Variants in PTK2B observed in about 807,000 individuals in gnomAD.
The protein encoded by PTK2B is protein-tyrosine kinase 2-beta.
PTK2B carries 71 observed loss-of-function variants against 142.9 expected under a neutral mutation model. The ratio of observed to expected loss-of-function variants is 0.50; its 90% CI spans 0.41 to 0.61. The LOEUF (loss-of-function observed/expected upper bound fraction) is 0.61. Among genes scored for constraint, PTK2B ranks in the 20% least tolerant of loss-of-function variants. The pLI, the probability that PTK2B is intolerant of heterozygous loss-of-function variation, is 0.00. For synonymous variants in PTK2B, 519 were observed against 503.4 expected (o/e 1.03, Z -0.42); for missense variants, 1,105 against 1,320.4 (o/e 0.84, Z 2.53).
chr8:27,375,867 C>T (rs997509586), intron 1 of PTK2B, among the ~76,000 whole-genome samples: 2 of 152,208 alleles, frequency 1.3e-5, no homozygotes, highest in African/African-American at 4.8e-5. Flanking sequence ...GCAGGGTACC[C>T]TGTGTTCTGG....
At chr8:27,320,134 AT>A (rs138157378) in intron 3 of PTK2B, among the ~76,000 whole-genome samples, 186 of 152,150 alleles carry the variant, frequency 1.2e-3, no homozygotes, top group African/African-American at 4.4e-3. Flanking sequence ...GGTACCTGCG[AT>A]TCAAACTGTG....
At chr8:27,433,301 C>T in intron 10 of PTK2B, 134 bp from the exon 11 acceptor site, 2 of 739,230 alleles carry the variant, frequency 2.7e-6, no homozygotes, top group East Asian at 2.5e-5. Context: ...GGGCAGGGCC[C>T]CAGGAGAGGT....
In PTK2B at chr8:27,444,220, G is replaced by A. The variant is rs1811328959; in HGVS notation, c.2163G>A (p.Lys721=). Residue 721 remains lysine (K), a synonymous_variant, in exon 23 of 31, where the codon AAG becomes AAA. Coordinates refer to ENST00000346049, the MANE Select transcript of PTK2B (RefSeq NM_173176.3). The part of the protein sequence containing the change: ...QEPPPKPSRP[K]YRPPPQTNLL... Reference sequence around the variant, plus strand: ...TCTCTCTCCAGCCCAGCCGACCTAAGTACAGACCCCCTCCGCAAACCAACC... The same window carrying A: ...TCTCTCTCCAGCCCAGCCGACCTAAATACAGACCCCCTCCGCAAACCAACC... 1 of 1,613,748 alleles carries A rather than the reference G, an allele frequency of 6.2e-7. No individual in the cohort carries two copies. Among genetic ancestry groups the A allele is most frequent in the South Asian group, 1.1e-5 (1 of 91,078 alleles).
Position 27,431,588 on chromosome 8 carries a change from G to C in PTK2B, c.885+116G>C, listed in dbSNP as rs951072311. 2.4e-5 allele frequency: 33 copies of C among 1,362,330 alleles called. No individual in the cohort carries two copies. The East Asian group carries it at 7.7e-4, about 32-fold the overall frequency. The allele number at this position is 1,362,330 out of a possible 1,614,324, so 84.4% of individuals were successfully genotyped here. A position where few individuals can be genotyped will look rare whatever the true frequency, so the allele number is the denominator to read the frequency against. The stretch of plus-strand genomic sequence containing the variant: ...TCTTGCCCCTGTTGCTGAAAGCAGA[G>C]TTCTTCTAAGGCCATGCCCTGGCGT... On this transcript the variant is annotated intron_variant, in intron 9 of 30. Transcript: ENST00000346049.
chr8:27,322,126 G>A (rs1352250250), upstream of PTK2B, among the ~76,000 whole-genome samples: 2 of 151,990 alleles, frequency 1.3e-5, no homozygotes, highest in Non-Finnish European at 2.9e-5. Context: ...AAGGAGCTGG[G>A]ACTACAGGCA....
chr8:27,368,441 C>T (rs530904500), intron 1 of PTK2B, among the ~76,000 whole-genome samples: 1 of 152,304 alleles, frequency 6.6e-6, no homozygotes, highest in South Asian at 2.1e-4. Context: ...CCACTGACTC[C>T]CTCACCTTGC....
At chr8:27,426,751 C>T (rs1282131724) in intron 5 of PTK2B, among the ~76,000 whole-genome samples, 2 of 152,132 alleles carry the variant, frequency 1.3e-5, no homozygotes, top group African/African-American at 4.8e-5. Context: ...AAGCTGGATT[C>T]AGGAGATTGG....
intron 1 of PTK2B, among the ~76,000 whole-genome samples, chr8:27,326,192 A>G (rs1249545758): frequency 1.3e-5 from 2 of 151,282 alleles, no homozygotes; most frequent in African/African-American, 2.4e-5. Context: ...GGAGGAAAGC[A>G]AGGGTGTTCT....
At chr8:27,359,845 A>G (rs1034832511) in intron 1 of PTK2B, among the ~76,000 whole-genome samples, 1 of 151,930 alleles carries the variant, frequency 6.6e-6, no homozygotes, top group Admixed American at 6.6e-5. Flanking sequence ...TGTAGTCAGG[A>G]TGGTATTTGT....
chr8:27,397,932 A>T, intron 2 of PTK2B, 144 bp downstream of exon 2: 1 of 1,003,126 alleles, frequency 1.0e-6, no homozygotes, highest in South Asian at 1.5e-5. Flanking sequence ...AGATGTGCTC[A>T]GCCTGCATCA....
chr8:27,458,533 G>T lies in PTK2B; in HGVS notation c.*24G>T. On this transcript the variant is annotated 3_prime_UTR_variant, in exon 31 of 31. Coordinates refer to ENST00000346049, the MANE Select transcript of PTK2B (RefSeq NM_173176.3). The stretch of plus-strand genomic sequence containing the variant: ...GACGGAGGGTGGGGGCCACCTGCCT[G>T]CGTCTTCCGCCCCTGCCTGCCATGT... 9 of 1,548,140 alleles carry T rather than the reference G, an allele frequency of 5.8e-6. No homozygotes were observed. The highest frequency in any genetic ancestry group is 7.9e-6 in the Non-Finnish European group (9 of 1,146,132).
chr8:27,455,829 A>G (rs1172989074), intron 30 of PTK2B, among the ~76,000 whole-genome samples: 2 of 152,258 alleles, frequency 1.3e-5, no homozygotes, highest in Non-Finnish European at 2.9e-5. Flanking sequence ...TGCCAAAGCC[A>G]TAGGCACACA....
intron 2 of PTK2B, among the ~76,000 whole-genome samples, chr8:27,412,022 A>C (rs1482255267): frequency 3.9e-5 from 6 of 152,226 alleles, no homozygotes; most frequent in Admixed American, 2.6e-4. Context: ...GACAGGTCTG[A>C]GGGACCCCAA....
At chr8:27,393,768 T>C (rs879796001) in intron 1 of PTK2B, among the ~76,000 whole-genome samples, 7 of 152,016 alleles carry the variant, frequency 4.6e-5, no homozygotes, top group African/African-American at 1.2e-4. Context: ...CAAGCACCGC[T>C]TCCCCCACTA....
chr8:27,364,088 G>C (rs568907316), intron 1 of PTK2B, among the ~76,000 whole-genome samples: 1 of 152,200 alleles, frequency 6.6e-6, no homozygotes, highest in African/African-American at 2.4e-5. Flanking sequence ...CTGCATCAGC[G>C]TCCCGTTTTA....
intron 5 of PTK2B, among the ~76,000 whole-genome samples, chr8:27,429,671 A>T (rs1338476397): frequency 6.6e-6 from 1 of 152,256 alleles, no homozygotes; most frequent in Non-Finnish European, 1.5e-5. Flanking sequence ...ACACACAAAC[A>T]TACACACATA....
chr8:27,323,089 T>C (rs900192072), upstream of PTK2B, among the ~76,000 whole-genome samples: 2 of 151,990 alleles, frequency 1.3e-5, no homozygotes, highest in Admixed American at 6.5e-5. Context: ...CTCCAGTTAG[T>C]GAAAAGATAA....
intron 24 of PTK2B, among the ~76,000 whole-genome samples, chr8:27,446,402 G>A (rs1811472474): frequency 6.6e-6 from 1 of 152,172 alleles, no homozygotes; most frequent in South Asian, 2.1e-4. Flanking sequence ...AAGGAGTTTA[G>A]GGCTAGTGGG....
chr8:27,376,656 A>T (rs1042473364), intron 1 of PTK2B, among the ~76,000 whole-genome samples: 1 of 152,166 alleles, frequency 6.6e-6, no homozygotes. Flanking sequence ...CAAAATCAAG[A>T]TGGCGATGAG....
Sources: gnomAD v4.1 joint callset for allele counts (sites outside exome capture counted in the v4.1 genomes callset) on GRCh38, gnomAD v4.1.1 for gene constraint, MANE v1.5 for transcripts, NCBI Gene and HGNC (gene_info 2026-07-23, HGNC 2026-07-21) for gene names.